METAP1: variants seen among roughly 807,000 people sequenced by gnomAD.
METAP1 encodes the protein methionine aminopeptidase 1.
METAP1 carries 28 observed loss-of-function variants against 53.8 expected under a neutral mutation model. The ratio of observed to expected loss-of-function variants is 0.52; its 90% confidence interval spans 0.39 to 0.71. METAP1 has a LOEUF of 0.71. METAP1 is among the 30% of genes least tolerant of loss of function. The pLI, the probability that METAP1 is intolerant of heterozygous loss-of-function variation, is 0.00. For missense variants in METAP1, 389 were observed against 479.8 expected, an observed-to-expected ratio of 0.81 and a Z score of 1.77; for synonymous variants, 181 against 165.7, an observed-to-expected ratio of 1.09 and a Z score of -0.71.
Position 99,010,962 on chromosome 4 carries a change from A to AAATT in METAP1, c.114+15097_114+15100dup, listed in dbSNP as rs374694297. Among the ~76,000 whole-genome samples, 135 of 151,906 alleles carry AAATT rather than the reference A, an allele frequency of 8.9e-4. 1 individual carries two copies. Among genetic ancestry groups the AAATT allele is most frequent in the African/African-American group, 2.9e-3 (121 of 41,496 alleles). On this transcript the variant is annotated intron_variant, in intron 1 of 10. Transcript: ENST00000296411. ...TGGAATTGTTCCTTAATTTATCTTAAAATTATTCATTGTTAGTGTATAGAA... is the reference window on the plus strand; with the variant it reads ...TGGAATTGTTCCTTAATTTATCTTAAAATTAATTATTCATTGTTAGTGTATAGAA...
intron 1 of METAP1, among the ~76,000 whole-genome samples, chr4:99,007,562 C>G (rs1723238706): frequency 7.0e-6 from 1 of 143,362 alleles, no homozygotes; most frequent in Non-Finnish European, 1.5e-5. Context: ...AATAGCTGAT[C>G]TTTTTTTTTT....
chr4:99,059,875 C>A (rs1727415893), intron 10 of METAP1, among the ~76,000 whole-genome samples: 1 of 152,114 alleles, frequency 6.6e-6, no homozygotes, highest in African/African-American at 2.4e-5. Context: ...CTTTCTTTTG[C>A]CCCTCTTTCT....
In METAP1 at chr4:99,062,180, G is replaced by GGA. The variant is rs1727583638; in HGVS notation, c.*865_*866dup. On this transcript the variant is annotated 3_prime_UTR_variant, in exon 11 of 11. Transcript: ENST00000296411. Reference sequence around the variant, plus strand: ...CTGTTTTACTTCAAGGGCATACCTTGGAGGTGCTCAGAGAAGCGTGAAGTT... The same window carrying GGA: ...CTGTTTTACTTCAAGGGCATACCTTGGAGAGGTGCTCAGAGAAGCGTGAAGTT... The GGA allele has an allele frequency of 6.6e-6, 1 of 152,200 alleles. No homozygotes were observed. The highest frequency in any genetic ancestry group is 2.1e-4 in the South Asian group (1 of 4,826). The allele number at this position is 152,200 out of a possible 1,614,324, so 9.4% of individuals were successfully genotyped here. A position where few individuals can be genotyped will look rare whatever the true frequency, so the allele number is the denominator to read the frequency against.
intron 7 of METAP1, among the ~76,000 whole-genome samples, chr4:99,044,852 T>G (rs1054107405): frequency 6.6e-6 from 1 of 152,244 alleles, no homozygotes; most frequent in Non-Finnish European, 1.5e-5. Flanking sequence ...AAGTTTTCAA[T>G]TTAATGTTAC....
intron 1 of METAP1, among the ~76,000 whole-genome samples, chr4:99,027,974 C>CT (rs1357802870): frequency 6.6e-6 from 1 of 150,462 alleles, no homozygotes; most frequent in South Asian, 2.1e-4. Context: ...TTTTCCCGTG[C>CT]TTTTTTTTTC....
chr4:99,048,869 C>G lies in METAP1; in HGVS notation c.924C>G (p.His308Gln). The G allele has an allele frequency of 1.9e-6, 3 of 1,613,952 alleles. No individual in the cohort carries two copies. Among genetic ancestry groups the G allele is most frequent in the Non-Finnish European group, 2.5e-6 (3 of 1,179,852 alleles). The change falls in exon 9 of 11, where the codon CAC (histidine) becomes CAG (glutamine). Residue 308 changes from histidine to glutamine, a missense_variant. Transcript: ENST00000296411. ...KLFHTAPNVP[H>Q]YAKNKAVGVM... ...TTCATACAGCTCCCAATGTACCCCA[C>G]TATGCTAGTAAGTACTATCCAGAGA...
At chr4:99,023,561 A>G in intron 1 of METAP1, 1 of 985,352 alleles carries the variant, frequency 1.0e-6, no homozygotes, top group Non-Finnish European at 1.2e-6. Flanking sequence ...GAAAAGAGAG[A>G]GAGGTAATAC....
chr4:99,004,285 A>C (rs952401763), intron 1 of METAP1, among the ~76,000 whole-genome samples: 1 of 152,136 alleles, frequency 6.6e-6, no homozygotes, highest in African/African-American at 2.4e-5. Context: ...TATGACCCAC[A>C]TCACAAAGGT....
chr4:99,039,141 A>G (rs1725661100), intron 4 of METAP1: 2 of 370,148 alleles, frequency 5.4e-6, no homozygotes, highest in South Asian at 1.0e-4. Flanking sequence ...GCTGATTTCT[A>G]ATAGGTCTGA....
At chr4:99,033,769 A>G (rs112443680) in intron 2 of METAP1, among the ~76,000 whole-genome samples, 136 of 152,222 alleles carry the variant, frequency 8.9e-4, no homozygotes, top group African/African-American at 3.0e-3. Context: ...TTGATTTTGA[A>G]TTTGCTTTGG....
chr4:99,054,316 C>T (rs895768283), intron 9 of METAP1, among the ~76,000 whole-genome samples: 3 of 152,194 alleles, frequency 2.0e-5, no homozygotes, highest in Admixed American at 6.6e-5. Flanking sequence ...GTAATGGAGA[C>T]GGATTCTTTA....
chr4:99,044,964 T>C (rs530015600), intron 7 of METAP1, among the ~76,000 whole-genome samples: 2 of 152,360 alleles, frequency 1.3e-5, no homozygotes, highest in Admixed American at 1.3e-4. Flanking sequence ...ACTATCTGGC[T>C]TATGTTACAT....
chr4:99,032,191 A>G (rs62325190), intron 2 of METAP1, among the ~76,000 whole-genome samples: 3,757 of 149,986 alleles, frequency 0.025, 56 homozygotes, highest in Non-Finnish European at 0.035. Flanking sequence ...GGGTTATATT[A>G]TTTGTTTGCT....
chr4:99,023,592 C>T (rs1724310514), intron 1 of METAP1: 1 of 985,186 alleles, frequency 1.0e-6, no homozygotes, highest in Non-Finnish European at 1.2e-6. Context: ...GGTAATAGGA[C>T]ACATTATGGG....
intron 3 of METAP1, 48 bp from the exon 4 acceptor site, chr4:99,035,352 T>G (rs1180448474): frequency 7.3e-7 from 1 of 1,363,054 alleles, no homozygotes; most frequent in South Asian, 1.3e-5. Flanking sequence ...TCCCCTCGTT[T>G]TATTTATTTT....
Position 99,045,059 on chromosome 4 carries a change from A to G in METAP1, c.656-120A>G, listed in dbSNP as rs1027707849. On this transcript the variant is annotated intron_variant, in intron 7 of 10. Transcript: ENST00000296411. ...AATAACTATCTATCCATTGGTGTCTAATTTGAGAATGCAGAAGTTGTCTTT... is the reference window on the plus strand; with the variant it reads ...AATAACTATCTATCCATTGGTGTCTGATTTGAGAATGCAGAAGTTGTCTTT... The G allele has an allele frequency of 1.2e-5, 12 of 991,054 alleles. No individual in the cohort carries two copies. The African/African-American group carries it at 1.8e-4, about 15-fold the overall frequency. The allele number at this position is 991,054 out of a possible 1,614,324, so 61.4% of individuals were successfully genotyped here.
Position 99,024,907 on chromosome 4 carries a change from G to A in METAP1, c.115-3960G>A, listed in dbSNP as rs532974041. ...ATGGACTTGGGGGTGGTGGGGATAT[G>A]GTTTCAGGATGAAACTGTTCTACCT... On this transcript the variant is annotated intron_variant, in intron 1 of 10. Coordinates refer to ENST00000296411, the MANE Select transcript of METAP1 (RefSeq NM_015143.3). Among the ~76,000 whole-genome samples, 6 of 152,268 alleles carry A rather than the reference G, an allele frequency of 3.9e-5. No homozygotes were observed. In the East Asian group the frequency reaches 9.7e-4, roughly 24 times the overall value.
chr4:99,042,521 G>A (rs79317164), intron 6 of METAP1, among the ~76,000 whole-genome samples: 1 of 151,958 alleles, frequency 6.6e-6, no homozygotes, highest in African/African-American at 2.4e-5. Context: ...TTTCTGTTAG[G>A]AGTTCTTTTG....
At chr4:99,032,115 A>T (rs1461280315) in intron 2 of METAP1, among the ~76,000 whole-genome samples, 1 of 152,182 alleles carries the variant, frequency 6.6e-6, no homozygotes, top group Non-Finnish European at 1.5e-5. Context: ...TTTTCCGTTA[A>T]GTAAATTGTA....
Sources: gnomAD v4.1 joint callset for allele counts (sites outside exome capture counted in the v4.1 genomes callset) on GRCh38, gnomAD v4.1.1 for gene constraint, MANE v1.5 for transcripts, NCBI Gene and HGNC (gene_info 2026-07-23, HGNC 2026-07-21) for gene names.